The following KLHL8 variants were observed in gnomAD, a reference collection of about 807,000 sequenced individuals.
KLHL8 encodes the protein kelch like family member 8.
Under a neutral mutation model 63.5 loss-of-function variants are expected in KLHL8, and 38 were observed. The observed-to-expected ratio is 0.60, with a 90% CI of 0.46 to 0.78. The LOEUF (loss-of-function observed/expected upper bound fraction) is 0.78. Ranked by LOEUF, KLHL8 falls within the 30% of genes least tolerant of loss-of-function variation. The pLI is 0.00. For missense variants in KLHL8, 566 were observed against 752.4 expected (o/e 0.75, Z 2.90); for synonymous variants, 224 against 254.3 (o/e 0.88, Z 1.13).
intron 2 of KLHL8, among the ~76,000 whole-genome samples, chr4:87,189,237 T>A (rs1256851417): frequency 1.3e-5 from 2 of 152,064 alleles, no homozygotes; most frequent in Non-Finnish European, 2.9e-5. Flanking sequence ...AGCACAAGAG[T>A]AGGTTGCAGT....
At chr4:87,218,892 G>A (rs1347990550) in intron 1 of KLHL8, among the ~76,000 whole-genome samples, 2 of 151,886 alleles carry the variant, frequency 1.3e-5, no homozygotes, top group African/African-American at 2.4e-5. Flanking sequence ...GTGCCACCAC[G>A]CTCAGCTAAT....
At chr4:87,200,155 A>AG (rs1178819076) in intron 1 of KLHL8, among the ~76,000 whole-genome samples, 3 of 150,302 alleles carry the variant, frequency 2.0e-5, no homozygotes, top group African/African-American at 7.3e-5. Flanking sequence ...AAAAAAAAAA[A>AG]AAAAAGAAAA....
rs1198299425 is a variant in KLHL8, at chr4:87,163,216, G to A, written c.*303C>T. 7.2e-5 allele frequency: 16 copies of A among 221,830 alleles called. No individual in the cohort carries two copies. The highest frequency in any genetic ancestry group is 3.6e-5 in the Non-Finnish European group (4 of 111,970). 13.7% of individuals were successfully genotyped at this position (221,830 alleles called of 1,614,324 possible). Reference sequence around the variant, plus strand: ...ATTTTGATTCATCCAAATAGAGAGAGAGAGAGAGATTTCAAGATTTTTGGC... The same window carrying A: ...ATTTTGATTCATCCAAATAGAGAGAAAGAGAGAGATTTCAAGATTTTTGGC... On this transcript the variant is annotated 3_prime_UTR_variant, in exon 10 of 10. Coordinates refer to ENST00000273963, the MANE Select transcript of KLHL8 (RefSeq NM_020803.5).
chr4:87,192,127 C>T (rs891528493), intron 2 of KLHL8, among the ~76,000 whole-genome samples: 1 of 151,998 alleles, frequency 6.6e-6, no homozygotes, highest in African/African-American at 2.4e-5. Flanking sequence ...GGGTATATAC[C>T]CACTAGGAGG....
intron 1 of KLHL8, chr4:87,207,801 G>A: frequency 4.1e-6 from 4 of 966,172 alleles, no homozygotes; most frequent in Non-Finnish European, 5.0e-6. Flanking sequence ...CCACTGCCAA[G>A]GTGTCGGTCA....
At chr4:87,199,847 A>C (rs1047617652) in intron 1 of KLHL8, among the ~76,000 whole-genome samples, 2 of 151,430 alleles carry the variant, frequency 1.3e-5, no homozygotes, top group Non-Finnish European at 2.9e-5. Context: ...AAAACAAACA[A>C]ACAAAAACCA....
At chr4:87,197,983 A>AATAT (rs1206855851) in intron 1 of KLHL8, among the ~76,000 whole-genome samples, 2 of 150,684 alleles carry the variant, frequency 1.3e-5, no homozygotes, top group African/African-American at 2.4e-5. Context: ...TAAATAAATA[A>AATAT]AGCCATGTTC....
intron 1 of KLHL8, among the ~76,000 whole-genome samples, chr4:87,196,463 T>C (rs1731704871): frequency 6.6e-6 from 1 of 152,148 alleles, no homozygotes; most frequent in Non-Finnish European, 1.5e-5. Flanking sequence ...ACCAACTGTA[T>C]GAGCTTGAGC....
intron 2 of KLHL8, among the ~76,000 whole-genome samples, chr4:87,194,617 T>G (rs1731625402): frequency 6.6e-6 from 1 of 152,188 alleles, no homozygotes. Context: ...ACCAAAAAAT[T>G]TTAATATTTC....
At chr4:87,197,090 G>T (rs1011793871) in intron 1 of KLHL8, among the ~76,000 whole-genome samples, 29 of 152,180 alleles carry the variant, frequency 1.9e-4, no homozygotes, top group African/African-American at 6.8e-4. Context: ...TAAGGTTATA[G>T]ATTACAGTTA....
chr4:87,165,981 T>C (rs1039261805), intron 8 of KLHL8, among the ~76,000 whole-genome samples: 48 of 152,254 alleles, frequency 3.2e-4, no homozygotes, highest in African/African-American at 1.1e-3. Context: ...GTCCAAAAGA[T>C]TTAAAAAGTA....
chr4:87,187,472 A>C (rs1172408772), intron 2 of KLHL8, among the ~76,000 whole-genome samples: 1 of 151,754 alleles, frequency 6.6e-6, no homozygotes, highest in Non-Finnish European at 1.5e-5. Context: ...ATGAACTACA[A>C]ATTTTTTATT....
At chr4:87,170,792 CTG>C (rs1415646874) in intron 6 of KLHL8, among the ~76,000 whole-genome samples, 177 bp from the exon 7 acceptor site, 4 of 152,316 alleles carry the variant, frequency 2.6e-5, no homozygotes, top group Admixed American at 1.3e-4. Flanking sequence ...AATTGCCAAA[CTG>C]TGCAACTCTA....
At chr4:87,234,329 C>T (rs1475984375) in intron 1 of KLHL8, among the ~76,000 whole-genome samples, 1 of 151,976 alleles carries the variant, frequency 6.6e-6, no homozygotes, top group African/African-American at 2.4e-5. Context: ...GTCCCAGCTA[C>T]TCAGGAGGCT....
chr4:87,204,492 T>G (rs1732041053), intron 1 of KLHL8, among the ~76,000 whole-genome samples: 1 of 152,236 alleles, frequency 6.6e-6, no homozygotes, highest in South Asian at 2.1e-4. Flanking sequence ...ATGCTCGTGT[T>G]TACACAAAAA....
intron 1 of KLHL8, among the ~76,000 whole-genome samples, chr4:87,238,103 T>C (rs1465441028): frequency 1.3e-5 from 2 of 151,984 alleles, no homozygotes; most frequent in Non-Finnish European, 2.9e-5. Context: ...GCTGGGCTAA[T>C]TTTTGTATTT....
chr4:87,166,092 A>G (rs1337211919), intron 8 of KLHL8, among the ~76,000 whole-genome samples: 3 of 152,260 alleles, frequency 2.0e-5, no homozygotes, highest in Non-Finnish European at 4.4e-5. Flanking sequence ...AGAACTTTGG[A>G]TTCACAGATC....
chr4:87,195,588 A>G lies in KLHL8; in HGVS notation c.-49T>C, dbSNP rs199500900. ...AGCTCTCTTCTCAAACATGCCATTT[A>G]TTTTTTTTCAAAGGGTAGAGAGAAG... On this transcript the variant is annotated 5_prime_UTR_variant, in exon 2 of 10. Coordinates refer to ENST00000273963, the MANE Select transcript of KLHL8 (RefSeq NM_020803.5). 1.8e-5 allele frequency: 27 copies of G among 1,510,960 alleles called. No homozygotes were observed. Among genetic ancestry groups the G allele is most frequent in the Non-Finnish European group, 1.6e-5 (17 of 1,096,168 alleles). 93.6% of individuals were successfully genotyped at this position (1,510,960 alleles called of 1,614,324 possible). A position where few individuals can be genotyped will look rare whatever the true frequency, so the allele number is the denominator to read the frequency against.
At chr4:87,206,218 A>G (rs1732126952) in intron 1 of KLHL8, among the ~76,000 whole-genome samples, 1 of 152,146 alleles carries the variant, frequency 6.6e-6, no homozygotes, top group Non-Finnish European at 1.5e-5. Flanking sequence ...TCAGATCCAC[A>G]TACTAACCTG....
Sources: gnomAD v4.1 joint callset for allele counts (sites outside exome capture counted in the v4.1 genomes callset) on GRCh38, gnomAD v4.1.1 for gene constraint, MANE v1.5 for transcripts, NCBI Gene and HGNC (gene_info 2026-07-23, HGNC 2026-07-21) for gene names.